The following CFI variants were observed in gnomAD, a reference collection of about 807,000 sequenced individuals.
CFI encodes the protein C3B/C4B inactivator.
CFI carries 66 observed loss-of-function variants against 78.8 expected under a neutral mutation model. The observed-to-expected ratio is 0.84, with a 90% CI of 0.69 to 1.03. The LOEUF (loss-of-function observed/expected upper bound fraction) is 1.03. CFI is among the 50% of genes least tolerant of loss of function. The pLI, the probability that CFI is intolerant of heterozygous loss-of-function variation, is 0.00. For missense variants in CFI, 706 were observed against 704.5 expected (o/e 1.00, Z -0.02); for synonymous variants, 250 against 232.6 (o/e 1.07, Z -0.68).
At chr4:109,768,408 T>A (rs1206830219) in intron 1 of CFI, among the ~76,000 whole-genome samples, 1 of 151,598 alleles carries the variant, frequency 6.6e-6, no homozygotes, top group Non-Finnish European at 1.5e-5. Context: ...CACTTACTGT[T>A]ACATGATGCA....
chr4:109,765,069 A>G (rs1438650533), intron 2 of CFI, among the ~76,000 whole-genome samples: 1 of 152,228 alleles, frequency 6.6e-6, no homozygotes. Flanking sequence ...GTGAAAATGT[A>G]AAATGTAGAA....
chr4:109,778,224 C>T (rs1330798120), intron 1 of CFI, among the ~76,000 whole-genome samples: 1 of 151,702 alleles, frequency 6.6e-6, no homozygotes, highest in Non-Finnish European at 1.5e-5. Context: ...AACAAAATTG[C>T]TAGACTGCTA....
At chr4:109,744,915 C>T (rs1301303907) in intron 11 of CFI, among the ~76,000 whole-genome samples, 3 of 152,034 alleles carry the variant, frequency 2.0e-5, no homozygotes, top group African/African-American at 7.2e-5. Flanking sequence ...AAAAACAGAA[C>T]AAGTATAAGG....
chr4:109,783,812 G>GATATATAT (rs34128338), intron 1 of CFI, among the ~76,000 whole-genome samples: 1,408 of 113,014 alleles, frequency 0.012, 163 homozygotes, highest in Middle Eastern at 0.019. Flanking sequence ...AAGAAACTGT[G>GATATATAT]ATATATATAT....
At chr4:109,800,781 A>C (rs1022170423) in intron 1 of CFI, among the ~76,000 whole-genome samples, 1 of 148,066 alleles carries the variant, frequency 6.8e-6, no homozygotes, top group Admixed American at 6.6e-5. Flanking sequence ...ACACACATAC[A>C]TATGTGTGTG....
chr4:109,744,789 C>A (rs906243703), intron 11 of CFI, among the ~76,000 whole-genome samples: 29 of 152,018 alleles, frequency 1.9e-4, no homozygotes, highest in African/African-American at 7.0e-4. Context: ...GGAGATACAA[C>A]AAGAATGACA....
chr4:109,775,372 G>T (rs1196176431), intron 1 of CFI, among the ~76,000 whole-genome samples: 1 of 152,190 alleles, frequency 6.6e-6, no homozygotes, highest in Non-Finnish European at 1.5e-5. Flanking sequence ...GGCTCGGAGG[G>T]TCCCACACCC....
chr4:109,799,138 A>G (rs1398539100), intron 1 of CFI, among the ~76,000 whole-genome samples: 1 of 152,138 alleles, frequency 6.6e-6, no homozygotes, highest in Non-Finnish European at 1.5e-5. Context: ...ACTCCCCAAT[A>G]CACACAGGCA....
At position 109,764,574 on chromosome 4, in the gene CFI, C is replaced by A. The variant is rs1400738748; in HGVS notation, c.445G>T (p.Glu149Ter). The A allele has an allele frequency of 1.9e-6, 3 of 1,614,028 alleles. No homozygotes were observed. In the South Asian group the frequency reaches 3.3e-5, roughly 18 times the overall value. Residue 149 changes from glutamate to a stop codon, truncating the protein, a stop_gained, in exon 3 of 13, where the codon GAA (glutamate) becomes TAA (stop). Coordinates refer to ENST00000394634, the MANE Select transcript of CFI (RefSeq NM_000204.5). LOFTEE classifies it high-confidence loss of function. ...AGGTCAAGGCAGGCCACGTTGGCTT[C>A]CCTCATGCTCCAGCTGCTTTTGCAT... ...FICKSSWSMR[E>*]ANVACLDLGF...
chr4:109,762,691 A>G (rs1267616801), intron 3 of CFI: 2 of 152,228 alleles, frequency 1.3e-5, no homozygotes, highest in African/African-American at 4.8e-5. Context: ...TAATTATTTC[A>G]GATCATGAGG....
intron 1 of CFI, among the ~76,000 whole-genome samples, chr4:109,776,026 T>C (rs570285685): frequency 6.6e-6 from 1 of 152,042 alleles, no homozygotes. Flanking sequence ...ACCACAAAGA[T>C]GGGGAGAAAC....
chr4:109,763,976 A>G (rs1727402168), intron 3 of CFI, among the ~76,000 whole-genome samples: 1 of 148,754 alleles, frequency 6.7e-6, no homozygotes. Context: ...ACTTATATAT[A>G]AGTATATATA....
In CFI at chr4:109,760,293, C is replaced by G. The variant is rs976766511; in HGVS notation, c.860G>C (p.Gly287Ala). 2 of 1,613,862 alleles carry G rather than the reference C, an allele frequency of 1.2e-6. No homozygotes were observed. Among genetic ancestry groups the G allele is most frequent in the African/African-American group, 2.7e-5 (2 of 75,038 alleles). Residue 287 changes from glycine to alanine, a missense_variant, in exon 6 of 13, where the codon GGG (glycine) becomes GCG (alanine). By Grantham distance (60) the Gly-to-Ala change is moderately conservative (BLOSUM62 0). Transcript: ENST00000394634. ...QCNGEVDCIT[G>A]EDEVGCAGFA... ...ACCTGCACAGCCAACTTCATCTTCC[C>G]CTGTAATGCAGTCCACCTCACCATT...
intron 10 of CFI, among the ~76,000 whole-genome samples, chr4:109,748,710 G>C (rs1724774234): frequency 6.6e-6 from 1 of 152,204 alleles, no homozygotes; most frequent in Admixed American, 6.5e-5. Context: ...AGGTGGCTCT[G>C]TGGGGCAAGA....
intron 1 of CFI, among the ~76,000 whole-genome samples, chr4:109,795,359 G>A (rs550812102): frequency 1.3e-5 from 2 of 152,300 alleles, no homozygotes; most frequent in South Asian, 2.1e-4. Context: ...CTGGCTGACT[G>A]ATTTGTGAAA....
Position 109,766,737 on chromosome 4 carries a change from G to C in CFI, c.145C>G (p.Gln49Glu). 1 of 1,614,132 alleles carries C rather than the reference G, an allele frequency of 6.2e-7. No individual in the cohort carries two copies. Residue 49 changes from glutamine to glutamate, a missense_variant, in exon 2 of 13, where the codon CAG becomes GAG. Gln to Glu is a conservative substitution (Grantham distance 29). Coordinates refer to ENST00000394634, the MANE Select transcript of CFI (RefSeq NM_000204.5). ...CCCTCAATGCATCTCTGCCATGGCT[G>C]GCAGAAGACTTTATCGCAGGAGAGG... ...THLSCDKVFC[Q>E]PWQRCIEGTC... is the part of the protein sequence containing the mutation.
intron 3 of CFI, among the ~76,000 whole-genome samples, chr4:109,764,027 G>A (rs1727409896): frequency 1.4e-5 from 2 of 147,902 alleles, no homozygotes; most frequent in Non-Finnish European, 3.0e-5. Flanking sequence ...ATTATAGTTT[G>A]TACACTATAC....
intron 7 of CFI, among the ~76,000 whole-genome samples, chr4:109,756,288 T>C (rs1726125440): frequency 8.0e-6 from 1 of 125,102 alleles, no homozygotes; most frequent in Non-Finnish European, 1.6e-5. Flanking sequence ...CTCTGAGATC[T>C]GAAACTAGGG....
At chr4:109,759,823 GGTTGAGGTT>G (rs1561300667) in intron 6 of CFI, among the ~76,000 whole-genome samples, 1 of 152,184 alleles carries the variant, frequency 6.6e-6, no homozygotes, top group East Asian at 1.9e-4. Context: ...GAACTCAGGA[GGTTGAGGTT>G]GCAATGAGCC....
Sources: allele counts gnomAD v4.1 joint callset (sites outside exome capture counted in the v4.1 genomes callset), GRCh38; gene constraint gnomAD v4.1.1; transcripts MANE v1.5; gene names NCBI Gene and HGNC (gene_info 2026-07-23, HGNC 2026-07-21).